Variants in CPD observed in about 807,000 individuals in gnomAD.
CPD encodes the protein metallocarboxypeptidase D.
CPD carries 69 observed loss-of-function variants against 138.3 expected under a neutral mutation model. The ratio of observed to expected loss-of-function variants is 0.50; its 90% confidence interval spans 0.41 to 0.61. The LOEUF (loss-of-function observed/expected upper bound fraction) is 0.61. Among genes scored for constraint, CPD ranks in the 20% least tolerant of loss-of-function variants. CPD has a pLI of 0.00. For synonymous variants in CPD, 651 were observed against 642.1 expected, an observed-to-expected ratio of 1.01 and a Z score of -0.21; for missense variants, 1,432 against 1,733.3, an observed-to-expected ratio of 0.83 and a Z score of 3.09.
At position 30,379,108 on chromosome 17, in the gene CPD, C is replaced by T; in HGVS notation, c.128C>T (p.Thr43Ile). 1 of 1,548,614 alleles carries T rather than the reference C, an allele frequency of 6.5e-7. No individual in the cohort carries two copies. Among genetic ancestry groups the T allele is most frequent in the Non-Finnish European group, 8.7e-7 (1 of 1,152,128 alleles). Residue 43 changes from threonine to isoleucine, a missense_variant, in exon 1 of 21, where the codon ACT becomes ATT. This residue lies in a region of CPD where 484 missense variants were observed against 477.2 expected (regional missense o/e 1.01). Coordinates refer to ENST00000225719, the MANE Select transcript of CPD (RefSeq NM_001304.5). This position sits in a 1 kb window ranked among gnomAD's most constrained non-coding sequence, Gnocchi z 7.0. ...AAGAAGGCGGAGGCGACTACCACAA[C>T]TACGAGCGCGGGCGCCGAGGCGGCC... ...HIKKAEATTT[T>I]TSAGAEAAEG...
Position 30,379,669 on chromosome 17 carries a change from C to G in CPD, c.689C>G (p.Pro230Arg). 1 of 1,523,666 alleles carries G rather than the reference C, an allele frequency of 6.6e-7. No individual in the cohort carries two copies. Among genetic ancestry groups the G allele is most frequent in the South Asian group, 1.2e-5 (1 of 82,034 alleles). The allele number at this position is 1,523,666 out of a possible 1,614,324, so 94.4% of individuals were successfully genotyped here. A position where few individuals can be genotyped will look rare whatever the true frequency, so the allele number is the denominator to read the frequency against. The change falls in exon 1 of 21, where the codon CCC (proline) becomes CGC (arginine). Residue 230 changes from proline to arginine, a missense_variant. Around this residue, in one of 6 missense-constraint regions of CPD, gnomAD observed 484 missense variants for 477.2 expected, o/e 1.01. Coordinates refer to ENST00000225719, the MANE Select transcript of CPD (RefSeq NM_001304.5). The surrounding 1 kb of genome is among the most constrained non-coding windows in gnomAD (Gnocchi z 7.0). ...FPDQFSTGEP[P>R]ALDEVPEVRA... ...GACCAGTTTAGCACCGGCGAACCCCCCGCCCTGGACGAGGTGCCCGAGGTG... is the reference window on the plus strand; with the variant it reads ...GACCAGTTTAGCACCGGCGAACCCCGCGCCCTGGACGAGGTGCCCGAGGTG...
chr17:30,401,402 C>CTCT (rs1463184102), intron 2 of CPD, among the ~76,000 whole-genome samples: 5 of 148,762 alleles, frequency 3.4e-5, no homozygotes, highest in Admixed American at 6.8e-5. Context: ...CTTCTTCCTC[C>CTCT]TCCTCTTCTT....
chr17:30,449,158 G>A (rs1373735882), intron 12 of CPD, among the ~76,000 whole-genome samples: 2 of 151,514 alleles, frequency 1.3e-5, no homozygotes, highest in African/African-American at 4.8e-5. Context: ...AAATAAGGGA[G>A]GTTATCTATG....
chr17:30,464,882 T>C lies in CPD; in HGVS notation c.*68T>C. On this transcript the variant is annotated 3_prime_UTR_variant, in exon 21 of 21. Coordinates refer to ENST00000225719, the MANE Select transcript of CPD (RefSeq NM_001304.5). ...ATTACAGTTCCTCTTGGGAGAACAC[T>C]GCATTAAGAAGAGAGACTCTCTTGC... 1.6e-6 allele frequency: 2 copies of C among 1,219,196 alleles called. No individual in the cohort carries two copies. Among genetic ancestry groups the C allele is most frequent in the Non-Finnish European group, 2.4e-6 (2 of 831,758 alleles). 75.5% of individuals were successfully genotyped at this position (1,219,196 alleles called of 1,614,324 possible). A position where few individuals can be genotyped will look rare whatever the true frequency, so the allele number is the denominator to read the frequency against.
chr17:30,422,833 A>C lies in CPD; in HGVS notation c.1467A>C (p.Thr489=). The C allele has an allele frequency of 6.2e-7, 1 of 1,614,116 alleles. No homozygotes were observed. Among genetic ancestry groups the C allele is most frequent in the Non-Finnish European group, 8.5e-7 (1 of 1,179,976 alleles). Residue 489 remains threonine (T), a synonymous_variant, in exon 5 of 21, where the codon ACA becomes ACC. Transcript: ENST00000225719. ...CTATACCTAATATTCTTTCTGGAAC[A>C]TCATCCTCCTACCAGCCAATTCAGC... ...TVAIPNILSG[T]SSSYQPIQPK...
chr17:30,451,254 G>A (rs1913159158), intron 13 of CPD, among the ~76,000 whole-genome samples: 1 of 152,134 alleles, frequency 6.6e-6, no homozygotes, highest in South Asian at 2.1e-4. Context: ...GGATCAGAAG[G>A]GACCTGTGTA....
rs200588207 is a variant in CPD at position 30,455,221 on chromosome 17, T to C, written c.3206-118T>C. ...TAGTGGCTTATGGAGAAATAAAATA[T>C]TTATCTACAAATTTTTAAGTTAGCA... On this transcript the variant is annotated intron_variant, in intron 14 of 20. Transcript: ENST00000225719. 9.2e-5 allele frequency: 78 copies of C among 844,592 alleles called. No homozygotes were observed. In the East Asian group the frequency reaches 2.1e-3, roughly 23 times the overall value. The allele number at this position is 844,592 out of a possible 1,614,324, so 52.3% of individuals were successfully genotyped here.
chr17:30,380,785 G>A, intron 1 of CPD: 1 of 572,070 alleles, frequency 1.7e-6, no homozygotes, highest in African/African-American at 1.9e-5. Flanking sequence ...CAGCAAAAAG[G>A]AGAGGAATAA....
At chr17:30,428,615 T>G (rs547878383) in intron 7 of CPD, among the ~76,000 whole-genome samples, 13 of 152,326 alleles carry the variant, frequency 8.5e-5, no homozygotes, top group African/African-American at 2.9e-4. Flanking sequence ...TATTATTTTT[T>G]TCTTTATCAA....
chr17:30,395,196 CTTT>C (rs35079822), intron 2 of CPD, among the ~76,000 whole-genome samples: 8 of 97,788 alleles, frequency 8.2e-5, no homozygotes, highest in Admixed American at 1.1e-4. Context: ...CAGATGGGTG[CTTT>C]TTTTTTTTTT....
chr17:30,452,530 C>T (rs1239739738), intron 14 of CPD, among the ~76,000 whole-genome samples: 15 of 149,234 alleles, frequency 1.0e-4, no homozygotes, highest in Non-Finnish European at 1.5e-5. Context: ...CCCAGCCTCC[C>T]AAAGTGCTGG....
intron 17 of CPD, among the ~76,000 whole-genome samples, chr17:30,457,486 T>TTCTTTGGGGTAGGTA (rs1338395327): frequency 1.5e-4 from 23 of 152,174 alleles, no homozygotes; most frequent in Admixed American, 4.6e-4. Context: ...TATCTGTCAC[T>TTCTTTGGGGTAGGTA]TCTTTGGGGT....
chr17:30,411,539 T>C (rs957256304), intron 2 of CPD, among the ~76,000 whole-genome samples: 6 of 152,210 alleles, frequency 3.9e-5, no homozygotes, highest in Non-Finnish European at 8.8e-5. Flanking sequence ...CCATATTTCT[T>C]GGAGGCTTTT....
intron 14 of CPD, among the ~76,000 whole-genome samples, chr17:30,453,834 G>A (rs548403609): frequency 6.6e-5 from 10 of 152,188 alleles, no homozygotes; most frequent in African/African-American, 2.4e-4. Context: ...TTTTGCACCC[G>A]CGGGCTCAAT....
At chr17:30,443,441 T>C (rs1912933685) in intron 10 of CPD, among the ~76,000 whole-genome samples, 1 of 152,222 alleles carries the variant, frequency 6.6e-6, no homozygotes, top group Non-Finnish European at 1.5e-5. Flanking sequence ...ATTGGATTAT[T>C]ATATCTCTTT....
chr17:30,455,080 T>C (rs1033238378), intron 14 of CPD: 5 of 257,322 alleles, frequency 1.9e-5, no homozygotes, highest in Non-Finnish European at 3.7e-5. Context: ...TTCTTTTTGT[T>C]TTTTTAATAA....
At chr17:30,390,020 A>ATT (rs1307779393) in intron 2 of CPD, among the ~76,000 whole-genome samples, 13 of 142,600 alleles carry the variant, frequency 9.1e-5, no homozygotes, top group East Asian at 2.0e-4. Flanking sequence ...TCCTGGAGTA[A>ATT]TTTTTTTTTT....
chr17:30,391,833 T>C (rs1045850210), intron 2 of CPD, among the ~76,000 whole-genome samples: 6 of 152,216 alleles, frequency 3.9e-5, no homozygotes, highest in African/African-American at 1.2e-4. Flanking sequence ...TGGCTACTTA[T>C]ATCTACTAGA....
intron 2 of CPD, among the ~76,000 whole-genome samples, chr17:30,395,583 A>G (rs183068542): frequency 1.3e-5 from 2 of 152,242 alleles, no homozygotes; most frequent in African/African-American, 4.8e-5. Flanking sequence ...TAACGTGATA[A>G]TAGGCCTAAA....
Sources: gnomAD v4.1 joint callset for allele counts (sites outside exome capture counted in the v4.1 genomes callset) on GRCh38, gnomAD v4.1.1 for gene constraint, gnomAD v4.1.1 regional missense constraint, Gnocchi (gnomAD v3.1) non-coding constraint, MANE v1.5 for transcripts, NCBI Gene and HGNC (gene_info 2026-07-23, HGNC 2026-07-21) for gene names.